SLC24A3: variants seen among roughly 807,000 people sequenced by gnomAD.
SLC24A3 encodes sodium/potassium/calcium exchanger 3.
In SLC24A3, 28 loss-of-function variants were observed where a neutral mutation model predicts 75.8. The ratio of observed to expected loss-of-function variants is 0.37; its 90% CI spans 0.27 to 0.51. The LOEUF (loss-of-function observed/expected upper bound fraction) is 0.51, where lower values mean the gene tolerates loss of function less well. Ranked by LOEUF, SLC24A3 falls within the 20% of genes least tolerant of loss-of-function variation. SLC24A3 has a pLI of 0.94. For synonymous variants in SLC24A3, 372 were observed against 334.1 expected (o/e 1.11, Z -1.24); for missense variants, 663 against 847.8 (o/e 0.78, Z 2.71).
chr20:19,231,012 T>G (rs1982005614), intron 1 of SLC24A3, among the ~76,000 whole-genome samples: 1 of 152,250 alleles, frequency 6.6e-6, no homozygotes, highest in Non-Finnish European at 1.5e-5. Flanking sequence ...CTTAGTATTT[T>G]TTAGGCTTAC....
At position 19,488,303 on chromosome 20, in the gene SLC24A3, C is replaced by T. The variant is rs181182526; in HGVS notation, c.272-27185C>T. 7.3e-4 allele frequency among the ~76,000 whole-genome samples: 111 copies of T among 152,340 alleles called. 3 individuals carry two copies. Among genetic ancestry groups the T allele is most frequent in the Non-Finnish European group, 5.0e-4 (34 of 68,036 alleles). On this transcript the variant is annotated intron_variant, in intron 2 of 16. Transcript: ENST00000328041. Reference sequence around the variant, plus strand: ...TCCCAGCTCTGCTTGCCTCTGCGCACATCAGGATTGCACCTCCTCTTGCCT... The same window carrying T: ...TCCCAGCTCTGCTTGCCTCTGCGCATATCAGGATTGCACCTCCTCTTGCCT...
chr20:19,473,593 T>C (rs1987910922), intron 2 of SLC24A3, among the ~76,000 whole-genome samples: 1 of 152,230 alleles, frequency 6.6e-6, no homozygotes, highest in Admixed American at 6.5e-5. Flanking sequence ...GTCATGTAGC[T>C]GGGGAATTGG....
chr20:19,279,902 G>A (rs1983607771), intron 1 of SLC24A3, among the ~76,000 whole-genome samples: 2 of 152,022 alleles, frequency 1.3e-5, no homozygotes, highest in South Asian at 2.1e-4. Context: ...AAGTAATATG[G>A]GTCGAGCACC....
chr20:19,664,407 G>A (rs938923730), intron 7 of SLC24A3, among the ~76,000 whole-genome samples: 6 of 152,194 alleles, frequency 3.9e-5, no homozygotes, highest in Admixed American at 2.0e-4. Context: ...TGATAATAAA[G>A]ATGAAAGTAA....
chr20:19,265,072 T>C (rs924827883), intron 1 of SLC24A3, among the ~76,000 whole-genome samples: 4 of 152,224 alleles, frequency 2.6e-5, no homozygotes, highest in African/African-American at 9.7e-5. Context: ...CCAGGACACC[T>C]TTCAACGTTG....
intron 6 of SLC24A3, among the ~76,000 whole-genome samples, chr20:19,606,527 T>A (rs1283101705): frequency 6.6e-6 from 1 of 152,348 alleles, no homozygotes; most frequent in South Asian, 2.1e-4. Flanking sequence ...TGAATCTGGA[T>A]GACTGCTTTG....
chr20:19,503,840 C>A (rs6112423), intron 2 of SLC24A3, among the ~76,000 whole-genome samples: 26,198 of 152,032 alleles, frequency 0.17, 2,730 homozygotes, highest in African/African-American at 0.3. Flanking sequence ...TACCAAATAC[C>A]TTCAAGCAGA....
At chr20:19,416,407 G>A (rs915378801) in intron 2 of SLC24A3, among the ~76,000 whole-genome samples, 9 of 151,462 alleles carry the variant, frequency 5.9e-5, no homozygotes, top group East Asian at 1.9e-4. Context: ...TTTATGGCTC[G>A]CCAGCTAACT....
At chr20:19,586,780 C>T (rs1374067674) in intron 6 of SLC24A3, among the ~76,000 whole-genome samples, 1 of 152,212 alleles carries the variant, frequency 6.6e-6, no homozygotes, top group Non-Finnish European at 1.5e-5. Context: ...CCAGGGCCCA[C>T]AGGTGGATGG....
chr20:19,535,021 A>G (rs574400844), intron 3 of SLC24A3, among the ~76,000 whole-genome samples: 1 of 152,364 alleles, frequency 6.6e-6, no homozygotes, highest in Admixed American at 6.5e-5. Context: ...GCACAAAGGA[A>G]GTGTAATAGC....
At chr20:19,397,843 G>A (rs993474149) in intron 2 of SLC24A3, among the ~76,000 whole-genome samples, 4 of 151,896 alleles carry the variant, frequency 2.6e-5, no homozygotes, top group Admixed American at 1.3e-4. Flanking sequence ...AGGAGGAGGA[G>A]CTCTAGGGCA....
intron 6 of SLC24A3, among the ~76,000 whole-genome samples, chr20:19,627,067 G>GTT (rs1374677038): frequency 1.3e-5 from 2 of 152,190 alleles, no homozygotes; most frequent in Non-Finnish European, 2.9e-5. Flanking sequence ...CACTTAGAGC[G>GTT]TATCAGATTC....
intron 3 of SLC24A3, among the ~76,000 whole-genome samples, chr20:19,574,536 C>G (rs2031101548): frequency 1.3e-5 from 2 of 152,198 alleles, no homozygotes; most frequent in African/African-American, 4.8e-5. Context: ...TAGGGGTTAG[C>G]TGCTTGCCAG....
At chr20:19,442,680 C>T (rs916811989) in intron 2 of SLC24A3, among the ~76,000 whole-genome samples, 2 of 152,140 alleles carry the variant, frequency 1.3e-5, no homozygotes, top group African/African-American at 4.8e-5. Flanking sequence ...TGAGCAGTGT[C>T]TTTCACAAAA....
intron 15 of SLC24A3, among the ~76,000 whole-genome samples, chr20:19,699,259 A>G (rs916287426): frequency 4.6e-5 from 7 of 152,258 alleles, no homozygotes; most frequent in Non-Finnish European, 8.8e-5. Context: ...GATTCATGTC[A>G]GAGAAACACT....
intron 2 of SLC24A3, among the ~76,000 whole-genome samples, chr20:19,395,132 T>G (rs1431262491): frequency 1.3e-5 from 2 of 152,176 alleles, no homozygotes; most frequent in Non-Finnish European, 2.9e-5. Flanking sequence ...TGGCATCAGG[T>G]ACAGGCCGAC....
At chr20:19,607,126 C>T (rs983931024) in intron 6 of SLC24A3, among the ~76,000 whole-genome samples, 18 of 152,324 alleles carry the variant, frequency 1.2e-4, no homozygotes, top group African/African-American at 4.3e-4. Flanking sequence ...GCCTCCTTCT[C>T]CTGCCCTGAT....
intron 3 of SLC24A3, among the ~76,000 whole-genome samples, chr20:19,578,097 C>A (rs891470640): frequency 2.6e-5 from 4 of 152,198 alleles, no homozygotes; most frequent in Non-Finnish European, 5.9e-5. Context: ...CAACAGAGAT[C>A]ATTTCATGCT....
chr20:19,601,910 C>T (rs1441088268), intron 6 of SLC24A3, among the ~76,000 whole-genome samples: 5 of 152,190 alleles, frequency 3.3e-5, no homozygotes, highest in African/African-American at 4.8e-5. Flanking sequence ...CGGTGGCTCA[C>T]GCCTGTAATC....
Sources: gnomAD v4.1 joint callset for allele counts (sites outside exome capture counted in the v4.1 genomes callset) on GRCh38, gnomAD v4.1.1 for gene constraint, MANE v1.5 for transcripts, NCBI Gene and HGNC (gene_info 2026-07-23, HGNC 2026-07-21) for gene names.